ABCA3: variants seen among roughly 807,000 people sequenced by gnomAD.
ABCA3 encodes the protein ATP binding cassette subfamily A member 3.
A neutral mutation model predicts 172.8 loss-of-function variants in ABCA3; 88 were observed. That is an observed-to-expected ratio of 0.51 (90% CI 0.43 to 0.61). The LOEUF is 0.61. Ranked by LOEUF, ABCA3 falls within the 20% of genes least tolerant of loss-of-function variation. The probability of loss-of-function intolerance (pLI) is 0.00; values close to 1 mark genes in which losing one functional copy is unlikely to be tolerated. For synonymous variants in ABCA3, 1,066 were observed against 983.8 expected (o/e 1.08, Z -1.56); for missense variants, 2,164 against 2,301.0 (o/e 0.94, Z 1.22).
rs141661891 is a variant in ABCA3, at chr16:2,316,474, G to A, written c.1111+809C>T. On this transcript the variant is annotated intron_variant, in intron 10 of 32. Transcript: ENST00000301732. ...AGCCTGGACAACATGGCAAAACCCC[G>A]TCTCTACTAAAAATGCAAAAAAAAA... Among the ~76,000 whole-genome samples the A allele has an allele frequency of 1.6e-3, 158 of 99,248 alleles. 1 individual carries two copies. The highest frequency in any genetic ancestry group is 6.0e-3 in the African/African-American group (154 of 25,558). 65.1% of individuals were successfully genotyped at this position (99,248 alleles called of 152,430 possible).
chr16:2,323,218 T>A lies in ABCA3; in HGVS notation c.613+305A>T, dbSNP rs529910961. The stretch of plus-strand genomic sequence containing the variant: ...TTACACTGTTGGTGGGACTGTAAAC[T>A]AGTTCAACCATTGTGGAAGTCAGTG... On this transcript the variant is annotated intron_variant, in intron 7 of 32. Transcript: ENST00000301732. 408 of 476,810 alleles carry A rather than the reference T, an allele frequency of 8.6e-4. 2 individuals are homozygous for A. Among genetic ancestry groups the A allele is most frequent in the African/African-American group, 7.2e-3 (365 of 51,028 alleles). The allele number at this position is 476,810 out of a possible 1,614,324, so 29.5% of individuals were successfully genotyped here. A position where few individuals can be genotyped will look rare whatever the true frequency, so the allele number is the denominator to read the frequency against.
intron 12 of ABCA3, 152 bp from the exon 13 acceptor site, chr16:2,300,300 G>C: frequency 8.8e-7 from 1 of 1,136,954 alleles, no homozygotes; most frequent in Non-Finnish European, 1.3e-6. Flanking sequence ...GAGAGCCCCA[G>C]AGAGTCCCAA....
intron 10 of ABCA3, 106 bp downstream of exon 10, chr16:2,317,177 G>A: frequency 1.3e-6 from 2 of 1,535,452 alleles, no homozygotes; most frequent in Non-Finnish European, 1.8e-6. Flanking sequence ...TCCCTGGGCA[G>A]CTCCACCAGG....
At chr16:2,333,118 C>A (rs953750383) in intron 1 of ABCA3, among the ~76,000 whole-genome samples, 1 of 152,128 alleles carries the variant, frequency 6.6e-6, no homozygotes, top group Non-Finnish European at 1.5e-5. Context: ...CCCTTATGAG[C>A]CCTTTCAAAA....
chr16:2,299,605 C>T, intron 13 of ABCA3, 73 bp from the exon 14 acceptor site: 1 of 1,601,248 alleles, frequency 6.2e-7, no homozygotes, highest in Non-Finnish European at 8.5e-7. Context: ...CTCCTGCTCC[C>T]CTGCCCGACC....
chr16:2,326,298 G>A (rs376868820), intron 4 of ABCA3, 24 bp from the exon 5 acceptor site: 67 of 1,611,790 alleles, frequency 4.2e-5, no homozygotes, highest in Non-Finnish European at 5.2e-5. Flanking sequence ...AATAGGGCAC[G>A]GTGATGGGCT....
chr16:2,299,541 A>T lies in ABCA3; in HGVS notation c.1612-9T>A. On this transcript the variant is annotated splice_polypyrimidine_tract_variant and intron_variant, in intron 13 of 32. Coordinates refer to ENST00000301732, the MANE Select transcript of ABCA3 (RefSeq NM_001089.3). ...TTTCCCACCCTGAACACCTGCAGGA[A>T]AGGCAGAGGCTGCCCTGGGCTACCC... is the stretch of plus-strand genomic sequence containing the variant. 1 of 1,612,710 alleles carries T rather than the reference A, an allele frequency of 6.2e-7. No individual in the cohort carries two copies. The highest frequency in any genetic ancestry group is 1.1e-5 in the South Asian group (1 of 91,078).
Position 2,288,327 on chromosome 16 carries a change from G to A in ABCA3, c.2703C>T (p.Leu901=), listed in dbSNP as rs769597836. The stretch of plus-strand genomic sequence containing the variant: ...CCCAGAATTGCTGGCAGTGCAGGGC[G>A]AGCTGCGGCAGAGGGGACGCAGGTG... ...ERTAVKLNTG[L]ALHCQQFWAM... is the part of the protein sequence containing the mutation. The change falls in exon 21 of 33, where the codon CTC becomes CTT. Residue 901 remains leucine (L), a splice_region_variant and synonymous_variant. Coordinates refer to ENST00000301732, the MANE Select transcript of ABCA3 (RefSeq NM_001089.3). 19 of 1,551,476 alleles carry A rather than the reference G, an allele frequency of 1.2e-5. No individual in the cohort carries two copies. The highest frequency in any genetic ancestry group is 3.3e-4 in the Middle Eastern group (2 of 6,018).
Position 2,276,176 on chromosome 16 carries a change from C to G in ABCA3, c.*498G>C. On this transcript the variant is annotated 3_prime_UTR_variant, in exon 33 of 33. Coordinates refer to ENST00000301732, the MANE Select transcript of ABCA3 (RefSeq NM_001089.3). The stretch of plus-strand genomic sequence containing the variant: ...ACGCTAAGACCCCAGCACCTAATCA[C>G]AGTCAGCAGCTTCCCTCCACTGACA... 3 of 384,130 alleles carry G rather than the reference C, an allele frequency of 7.8e-6. 1 individual carries two copies. Among genetic ancestry groups the G allele is most frequent in the South Asian group, 5.7e-5 (3 of 52,992 alleles). 23.8% of individuals were successfully genotyped at this position (384,130 alleles called of 1,614,324 possible). A position where few individuals can be genotyped will look rare whatever the true frequency, so the allele number is the denominator to read the frequency against.
At chr16:2,309,200 C>G (rs536038242) in intron 10 of ABCA3, among the ~76,000 whole-genome samples, 1 of 152,344 alleles carries the variant, frequency 6.6e-6, no homozygotes, top group African/African-American at 2.4e-5. Flanking sequence ...CCGGCCTTGG[C>G]CTTCCAAAGT....
chr16:2,283,128 C>G lies in ABCA3; in HGVS notation c.4035+58G>C, dbSNP rs920174844. On this transcript the variant is annotated intron_variant, in intron 26 of 32. Coordinates refer to ENST00000301732, the MANE Select transcript of ABCA3 (RefSeq NM_001089.3). This position sits in a 1 kb window ranked among gnomAD's most constrained non-coding sequence, Gnocchi z 5.4. ...TGGAGCTGCCCCAGGTTGTGCTGGG[C>G]CCAAGCAGAGACGTGGGGAGCATCT... The G allele has an allele frequency of 1.9e-6, 3 of 1,560,524 alleles. No individual in the cohort carries two copies. Among genetic ancestry groups the G allele is most frequent in the African/African-American group, 2.7e-5 (2 of 73,838 alleles).
intron 10 of ABCA3, among the ~76,000 whole-genome samples, chr16:2,312,832 G>A (rs974850111): frequency 2.0e-5 from 3 of 150,880 alleles, no homozygotes; most frequent in Non-Finnish European, 1.5e-5. Context: ...ATGCCCGGCC[G>A]AAATTGCATT....
In ABCA3 at chr16:2,295,609, G is replaced by T; in HGVS notation, c.2395C>A (p.Pro799Thr). 6.2e-7 allele frequency: 1 copy of T among 1,613,744 alleles called. No individual in the cohort carries two copies. ...GCGTACCTGTGCGTGCTCTCTCTGG[G>T]AAGGATGAAAGACAGCTCGGCCCCA... ...SAGAELSFILPRESTHRFEGL... is the reference protein window; with the variant it reads ...SAGAELSFILTRESTHRFEGL... The change falls in exon 18 of 33, where the codon CCC becomes ACC. Residue 799 changes from proline to threonine, a missense_variant. Coordinates refer to ENST00000301732, the MANE Select transcript of ABCA3 (RefSeq NM_001089.3).
At position 2,281,417 on chromosome 16, in the gene ABCA3, C is replaced by G; in HGVS notation, c.4128G>C (p.Leu1376=). 1 of 1,613,720 alleles carries G rather than the reference C, an allele frequency of 6.2e-7. No homozygotes were observed. Among genetic ancestry groups the G allele is most frequent in the Non-Finnish European group, 8.5e-7 (1 of 1,179,990 alleles). ...CCTTGATAATCAGAGGTGTGTGGAG[C>G]AGGGAGTCCGGACTGGGGGCCAGGA... The part of the protein sequence containing the change: ...TRILAPSPDS[L]LHTPLIIKEL... The change falls in exon 27 of 33, where the codon CTG becomes CTC. Residue 1376 remains leucine (L), a synonymous_variant. Transcript: ENST00000301732. This position sits in a 1 kb window ranked among gnomAD's most constrained non-coding sequence, Gnocchi z 4.7.
intron 7 of ABCA3, 151 bp from the exon 8 acceptor site, chr16:2,319,991 G>A (rs977396308): frequency 4.5e-5 from 42 of 938,306 alleles, no homozygotes; most frequent in South Asian, 7.1e-5. Context: ...GTGGTCCCAC[G>A]GGAGAAGGAA....
intron 1 of ABCA3, among the ~76,000 whole-genome samples, chr16:2,338,529 C>T (rs576092892): frequency 1.8e-4 from 27 of 152,150 alleles, no homozygotes; most frequent in Non-Finnish European, 3.2e-4. Context: ...GTTTTGGGCC[C>T]AGGCTGGCTT....
rs147822130 is a variant in ABCA3 at position 2,300,655 on chromosome 16, AG to A, written c.1468-508del. Among the ~76,000 whole-genome samples the A allele has an allele frequency of 6.8e-3, 1,037 of 152,362 alleles. 8 individuals carry two copies. The highest frequency in any genetic ancestry group is 9.9e-3 in the South Asian group (48 of 4,826). ...TCTGTGGCCATCACAGAAATAACTC[AG>A]TGCATGGGGTAAGAACACAGGCACA... On this transcript the variant is annotated intron_variant, in intron 12 of 32. Coordinates refer to ENST00000301732, the MANE Select transcript of ABCA3 (RefSeq NM_001089.3).
At chr16:2,327,156 C>T (rs1222955043) in intron 3 of ABCA3, among the ~76,000 whole-genome samples, 2 of 151,978 alleles carry the variant, frequency 1.3e-5, no homozygotes, top group African/African-American at 4.8e-5. Context: ...GCTCTGTTGC[C>T]CAGGCTGGAG....
chr16:2,289,399 T>TGCC, intron 20 of ABCA3, 35 bp downstream of exon 20: 1 of 1,544,358 alleles, frequency 6.5e-7, no homozygotes, highest in Non-Finnish European at 8.7e-7. Flanking sequence ...TGCTCGCCCT[T>TGCC]CCCCCGCCAC....
Sources: allele counts gnomAD v4.1 joint callset (sites outside exome capture counted in the v4.1 genomes callset), GRCh38; gene constraint gnomAD v4.1.1; non-coding constraint Gnocchi (gnomAD v3.1); transcripts MANE v1.5; gene names NCBI Gene and HGNC (gene_info 2026-07-23, HGNC 2026-07-21).